The following MLPH variants were observed in gnomAD, a reference collection of about 807,000 sequenced individuals.
The protein encoded by MLPH is melanophilin.
Under a neutral mutation model 72.1 loss-of-function variants are expected in MLPH, and 51 were observed. The ratio of observed to expected loss-of-function variants is 0.71; its 90% CI spans 0.56 to 0.89. The LOEUF is 0.89. Ranked by LOEUF, MLPH falls within the 40% of genes least tolerant of loss-of-function variation. The pLI is 0.00. For synonymous variants in MLPH, 301 were observed against 310.1 expected (o/e 0.97, Z 0.31); for missense variants, 743 against 759.9 (o/e 0.98, Z 0.26).
chr2:237,502,419 T>C (rs1047205368), intron 2 of MLPH, among the ~76,000 whole-genome samples: 2 of 152,210 alleles, frequency 1.3e-5, no homozygotes, highest in Non-Finnish European at 2.9e-5. Flanking sequence ...GCAGGCCTCC[T>C]CCTGGGCACC....
intron 5 of MLPH, 98 bp from the exon 6 acceptor site, chr2:237,519,812 C>A (rs115859206): frequency 0.019 from 30,188 of 1,581,408 alleles, 385 homozygotes; most frequent in African/African-American, 0.046. Context: ...CCCCGCCCCT[C>A]TGGGGGCTGA....
Position 237,552,333 on chromosome 2 carries a change from A to G in MLPH, c.1676-4A>G, listed in dbSNP as rs929235944. ...CACCATCCCTCTTCCTGTTTTCCCC[A>G]AAGGTAAAGATGATGATTCTTTTGA... On this transcript the variant is annotated splice_polypyrimidine_tract_variant and splice_region_variant and intron_variant, in intron 14 of 15. Transcript: ENST00000264605. 1.2e-6 allele frequency: 2 copies of G among 1,613,860 alleles called. No homozygotes were observed. The highest frequency in any genetic ancestry group is 1.3e-5 in the African/African-American group (1 of 75,038).
At chr2:237,535,248 A>G (rs2080507110) in intron 9 of MLPH, among the ~76,000 whole-genome samples, 1 of 152,064 alleles carries the variant, frequency 6.6e-6, no homozygotes. Context: ...TTGCTTTTAT[A>G]ACAACCACCC....
chr2:237,545,218 G>GGAGGACAGTGGTGAGTGGGA (rs1553602706), intron 12 of MLPH, among the ~76,000 whole-genome samples: 1 of 145,066 alleles, frequency 6.9e-6, no homozygotes, highest in African/African-American at 2.7e-5. Flanking sequence ...GTGGTGAGTG[G>GGAGGACAGTGGTGAGTGGGA]GGACAGTGGT....
At chr2:237,542,695 G>A in intron 12 of MLPH, 36 bp downstream of exon 12, 1 of 1,436,088 alleles carries the variant, frequency 7.0e-7, no homozygotes, top group South Asian at 1.2e-5. Flanking sequence ...AGACAGTGCT[G>A]AGTGGGGGGG....
chr2:237,553,099 G>A (rs1323791762), intron 15 of MLPH: 1 of 472,010 alleles, frequency 2.1e-6, no homozygotes, highest in Non-Finnish European at 4.4e-6. Flanking sequence ...CTATGCAGAT[G>A]AAGGAGTGGC....
At position 237,553,997 on chromosome 2, in the gene MLPH, C is replaced by T. The variant is rs768067832; in HGVS notation, c.*405C>T. On this transcript the variant is annotated 3_prime_UTR_variant, in exon 16 of 16. Coordinates refer to ENST00000264605, the MANE Select transcript of MLPH (RefSeq NM_024101.7). ...AAGATGACTCAGTTAAGGCACCAGC[C>T]ATATGTGTATTCTTGATGGTCTATA... 1.9e-5 allele frequency: 7 copies of T among 365,292 alleles called. No homozygotes were observed. The highest frequency in any genetic ancestry group is 2.7e-5 in the Non-Finnish European group (5 of 187,592). 22.6% of individuals were successfully genotyped at this position (365,292 alleles called of 1,614,324 possible). A position where few individuals can be genotyped will look rare whatever the true frequency, so the allele number is the denominator to read the frequency against.
Position 237,510,590 on chromosome 2 carries a change from A to G in MLPH, c.127A>G (p.Ile43Val). 1 of 1,613,346 alleles carries G rather than the reference A, an allele frequency of 6.2e-7. No individual in the cohort carries two copies. Among genetic ancestry groups the G allele is most frequent in the Non-Finnish European group, 8.5e-7 (1 of 1,180,032 alleles). The stretch of plus-strand genomic sequence containing the variant: ...TTTCCCAAGGGCGTTGAAGGGCAAG[A>G]TTAAGAAGGAAAGCTCCAAGAGGGA... ...EERLEALKGK[I>V]KKESSKRELL... The change falls in exon 3 of 16, where the codon ATT becomes GTT. Residue 43 changes from isoleucine to valine, a missense_variant. Coordinates refer to ENST00000264605, the MANE Select transcript of MLPH (RefSeq NM_024101.7). The surrounding 1 kb of genome is among the most constrained non-coding windows in gnomAD (Gnocchi z 4.4).
At chr2:237,491,866 C>T (rs1039046725) in intron 1 of MLPH, among the ~76,000 whole-genome samples, 1 of 152,192 alleles carries the variant, frequency 6.6e-6, no homozygotes, top group African/African-American at 2.4e-5. Flanking sequence ...ACTCCCCTGC[C>T]TCACACCCAT....
intron 6 of MLPH, among the ~76,000 whole-genome samples, chr2:237,524,763 G>GCCAGGCCCAGGC (rs144000832): frequency 1.3e-5 from 2 of 152,030 alleles, no homozygotes; most frequent in African/African-American, 4.8e-5. Flanking sequence ...TGGGCACAGA[G>GCCAGGCCCAGGC]CCAGGCCCAG....
At chr2:237,488,407 C>T (rs951289263) in intron 1 of MLPH, among the ~76,000 whole-genome samples, 1 of 151,974 alleles carries the variant, frequency 6.6e-6, no homozygotes, top group Admixed American at 6.5e-5. Context: ...TGCATCTGTC[C>T]TAGGAAACCC....
chr2:237,495,397 C>T (rs1363538054), intron 2 of MLPH, among the ~76,000 whole-genome samples: 3 of 152,100 alleles, frequency 2.0e-5, no homozygotes, highest in Non-Finnish European at 4.4e-5. Flanking sequence ...CAGCTGACCC[C>T]AGCATTTAAA....
chr2:237,493,430 G>T lies in MLPH; in HGVS notation c.4G>T (p.Gly2Trp). The part of the protein sequence containing the change: M[G>W]KKLDLSKLTD... ...GTGACCCCGACAAGAAGCAGAAATG[G>T]GGAAGAAACTGGATCTTTCCAAGCT... is the stretch of plus-strand genomic sequence containing the variant. Residue 2 changes from glycine to tryptophan, a missense_variant, in exon 2 of 16, where the codon GGG becomes TGG. Transcript: ENST00000264605. 3 of 1,613,646 alleles carry T rather than the reference G, an allele frequency of 1.9e-6. No homozygotes were observed. The South Asian group carries it at 3.3e-5, about 18-fold the overall frequency.
At chr2:237,502,007 T>C (rs1223014090) in intron 2 of MLPH, among the ~76,000 whole-genome samples, 1 of 152,214 alleles carries the variant, frequency 6.6e-6, no homozygotes, top group African/African-American at 2.4e-5. Context: ...AGCTTATGTG[T>C]AGAAGAAAGC....
chr2:237,523,662 A>G (rs1410562246), intron 6 of MLPH, among the ~76,000 whole-genome samples: 2 of 152,222 alleles, frequency 1.3e-5, no homozygotes, highest in Non-Finnish European at 2.9e-5. Context: ...TTTCTCGTGT[A>G]AAGAAGGTTT....
chr2:237,538,867 G>A (rs1294405285), intron 9 of MLPH, among the ~76,000 whole-genome samples: 2 of 152,362 alleles, frequency 1.3e-5, no homozygotes, highest in Admixed American at 6.5e-5. Flanking sequence ...CCTGGGGTGA[G>A]GGTGACATTT....
At chr2:237,526,999 T>A (rs183654997) in intron 7 of MLPH, among the ~76,000 whole-genome samples, 1 of 152,352 alleles carries the variant, frequency 6.6e-6, no homozygotes, top group East Asian at 1.9e-4. Context: ...TGGCTGAACC[T>A]GTTGACTACA....
chr2:237,487,960 A>G (rs1486925978), intron 1 of MLPH, among the ~76,000 whole-genome samples: 1 of 152,126 alleles, frequency 6.6e-6, no homozygotes, highest in Admixed American at 6.5e-5. Flanking sequence ...CCCTGGGCCC[A>G]CCAGGGAGGT....
At chr2:237,529,042 GTAT>G (rs889901163) in intron 8 of MLPH, among the ~76,000 whole-genome samples, 1 of 152,044 alleles carries the variant, frequency 6.6e-6, no homozygotes, top group Non-Finnish European at 1.5e-5. Flanking sequence ...TTAGCAGGCT[GTAT>G]TATTATTATT....
Sources: allele counts gnomAD v4.1 joint callset (sites outside exome capture counted in the v4.1 genomes callset), GRCh38; gene constraint gnomAD v4.1.1; non-coding constraint Gnocchi (gnomAD v3.1); transcripts MANE v1.5; gene names NCBI Gene and HGNC (gene_info 2026-07-23, HGNC 2026-07-21).